The following KRTAP10-4 variants were observed in gnomAD, a reference collection of about 807,000 sequenced individuals.
KRTAP10-4 encodes keratin associated protein 10-4, also known as keratin-associated protein 10-4.
For missense variants in KRTAP10-4, 374 were observed against 507.6 expected, an observed-to-expected ratio of 0.74 and a Z score of 2.53; for synonymous variants, 147 against 213.7, an observed-to-expected ratio of 0.69 and a Z score of 2.72.
Position 44,575,192 on chromosome 21 carries a change from AG to A in KRTAP10-4, c.*234del, listed in dbSNP as rs1240876596. On this transcript the variant is annotated 3_prime_UTR_variant, in exon 1 of 1. Transcript: ENST00000400374. The stretch of plus-strand genomic sequence containing the variant: ...AATGCTGCAGCCCTCTTGCGGGGGG[AG>A]GGGGGCGCTTCTAGAAAGTTCCCAT... 16 of 729,124 alleles carry A rather than the reference AG, an allele frequency of 2.2e-5. No homozygotes were observed. The Admixed American group carries it at 2.4e-4, about 11-fold the overall frequency. 45.2% of individuals were successfully genotyped at this position (729,124 alleles called of 1,614,324 possible). A position where few individuals can be genotyped will look rare whatever the true frequency, so the allele number is the denominator to read the frequency against.
Position 44,574,711 on chromosome 21 carries a change from G to T in KRTAP10-4, c.953G>T (p.Cys318Phe). Reference protein sequence around the residue: ...CTSSQSQQGCCVPVCCKPVSC... With the variant: ...CTSSQSQQGCFVPVCCKPVSC... ...TCCTCCCAAAGCCAGCAGGGCTGCT[G>T]CGTGCCCGTCTGCTGCAAGCCTGTG... is the stretch of plus-strand genomic sequence containing the variant. Residue 318 changes from cysteine to phenylalanine, a missense_variant, in exon 1 of 1, where the codon TGC becomes TTC. Physicochemically the swap from Cys to Phe is radical, Grantham distance 205. Coordinates refer to ENST00000400374, the MANE Select transcript of KRTAP10-4 (RefSeq NM_198687.2). 1 of 1,608,940 alleles carries T rather than the reference G, an allele frequency of 6.2e-7. No individual in the cohort carries two copies. The highest frequency in any genetic ancestry group is 8.5e-7 in the Non-Finnish European group (1 of 1,176,854).
rs1555923254 is a variant in KRTAP10-4, at chr21:44,574,163, C to T, written c.405C>T (p.Cys135=). The part of the protein sequence containing the change: ...CVPVCCGDSS[C]CQQSSCQSAC... Reference sequence around the variant, plus strand: ...CCGTCTGCTGTGGGGATTCTTCATGCTGCCAGCAGTCTAGCTGCCAGTCAG... The same window carrying T: ...CCGTCTGCTGTGGGGATTCTTCATGTTGCCAGCAGTCTAGCTGCCAGTCAG... Residue 135 remains cysteine (C), a synonymous_variant, in exon 1 of 1, where the codon TGC becomes TGT. Coordinates refer to ENST00000400374, the MANE Select transcript of KRTAP10-4 (RefSeq NM_198687.2). 1.2e-6 allele frequency: 2 copies of T among 1,601,132 alleles called. No homozygotes were observed. Among genetic ancestry groups the T allele is most frequent in the Non-Finnish European group, 1.7e-6 (2 of 1,172,060 alleles).
In KRTAP10-4 at chr21:44,574,868, G is replaced by A. The variant is rs1237843336; in HGVS notation, c.1110G>A (p.Arg370=). ...CCCTCCTCTGCCGCCCCGTGTGCAG[G>A]CCCGCCTGCTGCGTGCCCGTCCCTT... ...SVSLLCRPVC[R]PACCVPVPSC... Residue 370 remains arginine (R), a synonymous_variant, in exon 1 of 1, where the codon AGG becomes AGA. Transcript: ENST00000400374. 9.3e-6 allele frequency: 15 copies of A among 1,611,940 alleles called. No homozygotes were observed. Among genetic ancestry groups the A allele is most frequent in the Non-Finnish European group, 1.3e-5 (15 of 1,179,718 alleles).
chr21:44,574,027 G>A lies in KRTAP10-4; in HGVS notation c.269G>A (p.Cys90Tyr), dbSNP rs782312294. The A allele has an allele frequency of 2.5e-6, 4 of 1,613,302 alleles. No individual in the cohort carries two copies. The highest frequency in any genetic ancestry group is 3.3e-5 in the Admixed American group (2 of 60,004). ...ACCAGCTCCTGCACGCCCTCGTGCT[G>A]CCAGCAGTCTAGCTGCCAGCTGGCT... ...GCTSSCTPSC[C>Y]QQSSCQLACC... The change falls in exon 1 of 1, where the codon TGC becomes TAC. Residue 90 changes from cysteine to tyrosine, a missense_variant. Cys to Tyr is a radical substitution (Grantham distance 194). Transcript: ENST00000400374.
Position 44,575,082 on chromosome 21 carries a change from C to CCTGAATTGCCCTGAAAA in KRTAP10-4, c.*118_*119insCTGAATTGCCCTGAAAA, listed in dbSNP as rs1978343837. 2 of 1,447,782 alleles carry CCTGAATTGCCCTGAAAA rather than the reference C, an allele frequency of 1.4e-6. No individual in the cohort carries two copies. The highest frequency in any genetic ancestry group is 2.4e-4 in the Middle Eastern group (1 of 4,248). 89.7% of individuals were successfully genotyped at this position (1,447,782 alleles called of 1,614,324 possible). A position where few individuals can be genotyped will look rare whatever the true frequency, so the allele number is the denominator to read the frequency against. ...CAGGTCCCACCTGAAAGCTGATAGT[C>CCTGAATTGCCCTGAAAA]GCGTCCTGAATTGCTCCTGCACTTT... On this transcript the variant is annotated 3_prime_UTR_variant, in exon 1 of 1. Coordinates refer to ENST00000400374, the MANE Select transcript of KRTAP10-4 (RefSeq NM_198687.2).
chr21:44,574,922 A>G lies in KRTAP10-4; in HGVS notation c.1164A>G (p.Gln388=), dbSNP rs782422155. 1.4e-5 allele frequency: 22 copies of G among 1,606,486 alleles called. 1 individual carries two copies. Among genetic ancestry groups the G allele is most frequent in the Middle Eastern group, 1.7e-4 (1 of 6,028 alleles). Residue 388 remains glutamine, a synonymous_variant, in exon 1 of 1, where the codon CAA becomes CAG. Transcript: ENST00000400374. ...GCTGTGCTCCCACCTCCTCCTGCCAACCCAGCTGCTGCCGCCCAGCCTCCT... is the reference window on the plus strand; with the variant it reads ...GCTGTGCTCCCACCTCCTCCTGCCAGCCCAGCTGCTGCCGCCCAGCCTCCT... ...PSCCAPTSSC[Q]PSCCRPASCV...
Position 44,575,246 on chromosome 21 carries a change from A to C in KRTAP10-4, c.*282A>C. On this transcript the variant is annotated 3_prime_UTR_variant, in exon 1 of 1. Transcript: ENST00000400374. ...CAGTGGCCTCCCCTCCATATCTCCC[A>C]CCTCTCATGAGGGTCAGTTCAGCCT... 7 of 576,916 alleles carry C rather than the reference A, an allele frequency of 1.2e-5. No homozygotes were observed. The highest frequency in any genetic ancestry group is 1.9e-5 in the Non-Finnish European group (6 of 316,620). The allele number at this position is 576,916 out of a possible 1,614,324, so 35.7% of individuals were successfully genotyped here. A position where few individuals can be genotyped will look rare whatever the true frequency, so the allele number is the denominator to read the frequency against.
rs2146085690 is a variant in KRTAP10-4, at chr21:44,574,003, CCAGCTCCTG to C, written c.248_256del (p.Ser83_Cys85del). ...CCCAGCCCCTGCCAATCAGGCTGCA[CCAGCTCCTG>C]CACGCCCTCGTGCTGCCAGCAGTCT... is the stretch of plus-strand genomic sequence containing the variant. On this transcript the variant is annotated inframe_deletion, in exon 1 of 1. Coordinates refer to ENST00000400374, the MANE Select transcript of KRTAP10-4 (RefSeq NM_198687.2). The C allele has an allele frequency of 6.2e-7, 1 of 1,612,252 alleles. No individual in the cohort carries two copies. Among genetic ancestry groups the C allele is most frequent in the Admixed American group, 1.7e-5 (1 of 59,934 alleles).
chr21:44,574,459 G>T lies in KRTAP10-4; in HGVS notation c.701G>T (p.Cys234Phe), dbSNP rs1467336415. 3.1e-6 allele frequency: 5 copies of T among 1,601,264 alleles called. No individual in the cohort carries two copies. The highest frequency in any genetic ancestry group is 4.3e-6 in the Non-Finnish European group (5 of 1,174,370). ...CQQACCVPVC[C>F]KTVCCKPVCS... ...CAGGCCTGCTGCGTGCCCGTCTGCT[G>T]CAAGACTGTCTGCTGCAAGCCTGTG... The change falls in exon 1 of 1, where the codon TGC becomes TTC. Residue 234 changes from cysteine (C) to phenylalanine (F), a missense_variant. By Grantham distance (205) the Cys-to-Phe change is radical. Coordinates refer to ENST00000400374, the MANE Select transcript of KRTAP10-4 (RefSeq NM_198687.2).
Position 44,573,758 on chromosome 21 carries a change from C to T in KRTAP10-4, c.-1C>T, listed in dbSNP as rs367939631. 12 of 1,611,162 alleles carry T rather than the reference C, an allele frequency of 7.4e-6. 1 individual carries two copies. In the African/African-American group the frequency reaches 1.1e-4, roughly 14 times the overall value. ...CAACCCCCAGCACAGCAGCATCCAC[C>T]ATGTCCGTCTGCTCCAGCGACCTGA... On this transcript the variant is annotated 5_prime_UTR_variant, in exon 1 of 1. Coordinates refer to ENST00000400374, the MANE Select transcript of KRTAP10-4 (RefSeq NM_198687.2).
At position 44,574,437 on chromosome 21, in the gene KRTAP10-4, G is replaced by T. The variant is rs782063624; in HGVS notation, c.679G>T (p.Ala227Ser). 13 of 1,600,854 alleles carry T rather than the reference G, an allele frequency of 8.1e-6. 1 individual carries two copies. In the African/African-American group the frequency reaches 1.5e-4, roughly 19 times the overall value. ...CTGCACCTCCTCCTCCTGCCAGCAG[G>T]CCTGCTGCGTGCCCGTCTGCTGCAA... ...ACCTSSSCQQ[A>S]CCVPVCCKTV... is the part of the protein sequence containing the mutation. The change falls in exon 1 of 1, where the codon GCC (alanine) becomes TCC (serine). Residue 227 changes from alanine (A) to serine (S), a missense_variant. Physicochemically the swap from Ala to Ser is moderately conservative, Grantham distance 99. Transcript: ENST00000400374.
chr21:44,574,985 A>G lies in KRTAP10-4; in HGVS notation c.*21A>G, dbSNP rs781901942. 101 of 1,610,696 alleles carry G rather than the reference A, an allele frequency of 6.3e-5. 1 individual carries two copies. In the Admixed American group the frequency reaches 1.6e-3, roughly 25 times the overall value. On this transcript the variant is annotated 3_prime_UTR_variant, in exon 1 of 1. Coordinates refer to ENST00000400374, the MANE Select transcript of KRTAP10-4 (RefSeq NM_198687.2). ...TCTGACGCCCCGTGTGCTCCCGCCC[A>G]GCCTGCTGAGGCCTCCGCTCAGGTC... is the stretch of plus-strand genomic sequence containing the variant.
chr21:44,575,233 C>G lies in KRTAP10-4; in HGVS notation c.*269C>G, dbSNP rs9980367. 2.3e-3 allele frequency: 1,381 copies of G among 598,206 alleles called. 13 individuals carry two copies. In the African/African-American group the frequency reaches 0.023, roughly 10 times the overall value. The allele number at this position is 598,206 out of a possible 1,614,324, so 37.1% of individuals were successfully genotyped here. A position where few individuals can be genotyped will look rare whatever the true frequency, so the allele number is the denominator to read the frequency against. On this transcript the variant is annotated 3_prime_UTR_variant, in exon 1 of 1. Coordinates refer to ENST00000400374, the MANE Select transcript of KRTAP10-4 (RefSeq NM_198687.2). ...AAAGTTCCCATGGCAGTGGCCTCCC[C>G]TCCATATCTCCCACCTCTCATGAGG... is the stretch of plus-strand genomic sequence containing the variant.
chr21:44,573,792 A>T lies in KRTAP10-4; in HGVS notation c.34A>T (p.Ser12Cys). Reference protein sequence around the residue: ...SVCSSDLSYSSRVCLPGSCDS... With the variant: ...SVCSSDLSYSCRVCLPGSCDS... ...CTGCTCCAGCGACCTGAGCTACAGC[A>T]GCCGCGTCTGCCTTCCTGGTTCCTG... Residue 12 changes from serine to cysteine, a missense_variant, in exon 1 of 1, where the codon AGC becomes TGC. By Grantham distance (112) the Ser-to-Cys change is moderately radical. Transcript: ENST00000400374. The T allele has an allele frequency of 6.2e-7, 1 of 1,614,052 alleles. No homozygotes were observed. The highest frequency in any genetic ancestry group is 1.1e-5 in the South Asian group (1 of 91,072).
chr21:44,575,138 G>A lies in KRTAP10-4; in HGVS notation c.*174G>A. 1 of 975,600 alleles carries A rather than the reference G, an allele frequency of 1.0e-6. No homozygotes were observed. Among genetic ancestry groups the A allele is most frequent in the Non-Finnish European group, 1.5e-6 (1 of 663,274 alleles). The allele number at this position is 975,600 out of a possible 1,614,324, so 60.4% of individuals were successfully genotyped here. On this transcript the variant is annotated 3_prime_UTR_variant, in exon 1 of 1. Coordinates refer to ENST00000400374, the MANE Select transcript of KRTAP10-4 (RefSeq NM_198687.2). ...TTTCCTGGTGTCTGCTGTTGAGCTG[G>A]ACAATGGAAGAACTGAAAGTCTATA...
Position 44,575,105 on chromosome 21 carries a change from T to G in KRTAP10-4, c.*141T>G. On this transcript the variant is annotated 3_prime_UTR_variant, in exon 1 of 1. Transcript: ENST00000400374. ...GTCGCGTCCTGAATTGCTCCTGCACTTTGACCATTTCCTGGTGTCTGCTGT... is the reference window on the plus strand; with the variant it reads ...GTCGCGTCCTGAATTGCTCCTGCACGTTGACCATTTCCTGGTGTCTGCTGT... 8.1e-7 allele frequency: 1 copy of G among 1,230,314 alleles called. No individual in the cohort carries two copies. The highest frequency in any genetic ancestry group is 1.5e-5 in the South Asian group (1 of 68,024). 76.2% of individuals were successfully genotyped at this position (1,230,314 alleles called of 1,614,324 possible).
At position 44,575,036 on chromosome 21, in the gene KRTAP10-4, C is replaced by A. The variant is rs965751049; in HGVS notation, c.*72C>A. Reference sequence around the variant, plus strand: ...AGAAGCCCAGCTGCTGATGGACACGCCCCCCAGTGCCAGCCAGGCTCAGGT... The same window carrying A: ...AGAAGCCCAGCTGCTGATGGACACGACCCCCAGTGCCAGCCAGGCTCAGGT... On this transcript the variant is annotated 3_prime_UTR_variant, in exon 1 of 1. Coordinates refer to ENST00000400374, the MANE Select transcript of KRTAP10-4 (RefSeq NM_198687.2). 25 of 1,576,554 alleles carry A rather than the reference C, an allele frequency of 1.6e-5. No homozygotes were observed. Among genetic ancestry groups the A allele is most frequent in the Non-Finnish European group, 2.1e-5 (24 of 1,159,814 alleles).
rs782700121 is a variant in KRTAP10-4 at position 44,573,841 on chromosome 21, A to C, written c.83A>C (p.Gln28Pro). 82 of 1,614,042 alleles carry C rather than the reference A, an allele frequency of 5.1e-5. No individual in the cohort carries two copies. Among genetic ancestry groups the C allele is most frequent in the Admixed American group, 8.3e-5 (5 of 60,012 alleles). Reference sequence around the variant, plus strand: ...TGTGACTCTTGCTCCGACTCCTGGCAGGTGGACGACTGCCCAGAGAGCTGC... The same window carrying C: ...TGTGACTCTTGCTCCGACTCCTGGCCGGTGGACGACTGCCCAGAGAGCTGC... Reference protein sequence around the residue: ...GSCDSCSDSWQVDDCPESCCE... With the variant: ...GSCDSCSDSWPVDDCPESCCE... Residue 28 changes from glutamine (Q) to proline (P), a missense_variant, in exon 1 of 1, where the codon CAG (glutamine) becomes CCG (proline). Transcript: ENST00000400374.
rs2146089829 is a variant in KRTAP10-4, at chr21:44,575,173, G to A, written c.*209G>A. On this transcript the variant is annotated 3_prime_UTR_variant, in exon 1 of 1. Transcript: ENST00000400374. ...GAACTGAAAGTCTATACTCAATGCT[G>A]CAGCCCTCTTGCGGGGGGAGGGGGG... The A allele has an allele frequency of 1.2e-6, 1 of 824,848 alleles. No homozygotes were observed. Among genetic ancestry groups the A allele is most frequent in the Non-Finnish European group, 1.9e-6 (1 of 529,712 alleles). 51.1% of individuals were successfully genotyped at this position (824,848 alleles called of 1,614,324 possible).
Sources: gnomAD v4.1 joint callset for allele counts on GRCh38, gnomAD v4.1.1 for gene constraint, MANE v1.5 for transcripts, NCBI Gene and HGNC (gene_info 2026-07-23, HGNC 2026-07-21) for gene names.